The following SEL1L3 variants were observed in gnomAD, a reference collection of about 807,000 sequenced individuals.
SEL1L3 encodes protein sel-1 homolog 3.
A neutral mutation model predicts 142.8 loss-of-function variants in SEL1L3; 76 were observed. The ratio of observed to expected loss-of-function variants is 0.53; its 90% confidence interval spans 0.44 to 0.64. The LOEUF (loss-of-function observed/expected upper bound fraction) is 0.64, where lower values mean the gene tolerates loss of function less well. SEL1L3 is among the 30% of genes least tolerant of loss of function. SEL1L3 has a pLI of 0.00. For synonymous variants in SEL1L3, 504 were observed against 519.6 expected, an observed-to-expected ratio of 0.97 and a Z score of 0.41; for missense variants, 1,262 against 1,381.7, an observed-to-expected ratio of 0.91 and a Z score of 1.37.
At chr4:25,777,577 G>A (rs891445181) in intron 16 of SEL1L3, 2 of 297,652 alleles carry the variant, frequency 6.7e-6, no homozygotes, top group Non-Finnish European at 1.3e-5. Flanking sequence ...TACCAAAATT[G>A]ACCATATACC....
chr4:25,791,962 G>T (rs192829913), intron 11 of SEL1L3, among the ~76,000 whole-genome samples: 1 of 150,780 alleles, frequency 6.6e-6, no homozygotes, highest in African/African-American at 2.4e-5. Flanking sequence ...CTGCAGCCCC[G>T]TTCCTCAGAA....
At chr4:25,733,806 C>A in the SEL1L3 span, among the ~76,000 whole-genome samples, 32,984 of 152,018 alleles carry the variant, frequency 0.22, 3,704 homozygotes, top group African/African-American at 0.25. Flanking sequence ...TGAGCCACCG[C>A]GTCGGGCCAG....
chr4:25,863,413 C>G, upstream of SEL1L3: 1 of 698,790 alleles, frequency 1.4e-6, no homozygotes, highest in Non-Finnish European at 2.6e-6. Context: ...CTCGCTTCCG[C>G]ATTCTTCCTC....
In SEL1L3 at chr4:25,775,787, C is replaced by T. The variant is rs543335903; in HGVS notation, c.2669+490G>A. The stretch of plus-strand genomic sequence containing the variant: ...ATCTGTTTGTTTGTGCCATTGGATA[C>T]TGGACTTCCAACAATCCCAGGCTCC... On this transcript the variant is annotated intron_variant, in intron 17 of 23. Coordinates refer to ENST00000399878, the MANE Select transcript of SEL1L3 (RefSeq NM_015187.5). Among the ~76,000 whole-genome samples, 5 of 152,294 alleles carry T rather than the reference C, an allele frequency of 3.3e-5. No individual in the cohort carries two copies. The East Asian group carries it at 9.7e-4, about 29-fold the overall frequency.
chr4:25,802,368 G>T lies in SEL1L3; in HGVS notation c.1871C>A (p.Pro624His). 1 of 1,613,840 alleles carries T rather than the reference G, an allele frequency of 6.2e-7. No individual in the cohort carries two copies. The highest frequency in any genetic ancestry group is 8.5e-7 in the Non-Finnish European group (1 of 1,179,850). Residue 624 changes from proline to histidine, a missense_variant, in exon 11 of 24, where the codon CCC becomes CAC. Coordinates refer to ENST00000399878, the MANE Select transcript of SEL1L3 (RefSeq NM_015187.5). ...YKHYQGIDNYPLDWELSYAYY... is the reference protein window; with the variant it reads ...YKHYQGIDNYHLDWELSYAYY... ...GGCATACGACAGTTCCCAGTCCAGG[G>T]GGTAGTTGTCAATACCCTGGTAGTG...
At chr4:25,842,073 G>A (rs1716200101) in intron 2 of SEL1L3, among the ~76,000 whole-genome samples, 1 of 152,090 alleles carries the variant, frequency 6.6e-6, no homozygotes, top group South Asian at 2.1e-4. Flanking sequence ...GTTAAAGAGG[G>A]TGGCTTTGTC....
At chr4:25,727,955 G>A in the SEL1L3 span, among the ~76,000 whole-genome samples, 1 of 152,172 alleles carries the variant, frequency 6.6e-6, no homozygotes, top group Non-Finnish European at 1.5e-5. Flanking sequence ...TGGCTGAGCG[G>A]CTTGGCCACA....
intron 6 of SEL1L3, among the ~76,000 whole-genome samples, chr4:25,826,730 C>T (rs1715120127): frequency 6.6e-6 from 1 of 152,140 alleles, no homozygotes; most frequent in African/African-American, 2.4e-5. Context: ...CGCTCTGTCG[C>T]CCCGGCTGGA....
chr4:25,752,829 C>T (rs1717692824), intron 23 of SEL1L3, among the ~76,000 whole-genome samples: 1 of 152,228 alleles, frequency 6.6e-6, no homozygotes, highest in Non-Finnish European at 1.5e-5. Context: ...CCATGTTGGT[C>T]AGATTGGTCT....
At chr4:25,835,404 T>C in intron 2 of SEL1L3, 81 bp from the exon 3 acceptor site, 14 of 1,486,356 alleles carry the variant, frequency 9.4e-6, no homozygotes, top group South Asian at 8.5e-5. Flanking sequence ...TGAAAGCCTC[T>C]GCTGAGCTCC....
At chr4:25,807,653 G>C (rs1713682446) in intron 9 of SEL1L3, among the ~76,000 whole-genome samples, 1 of 152,004 alleles carries the variant, frequency 6.6e-6, no homozygotes, top group Admixed American at 6.6e-5. Flanking sequence ...AGTACCCGTG[G>C]ACCCGAGCTT....
At chr4:25,825,380 C>T (rs540097809) in intron 6 of SEL1L3, among the ~76,000 whole-genome samples, 26 of 152,170 alleles carry the variant, frequency 1.7e-4, no homozygotes, top group Non-Finnish European at 3.4e-4. Context: ...CTGAGCTAGA[C>T]TCTTCCAAAG....
At chr4:25,835,091 T>G in intron 3 of SEL1L3, 106 bp downstream of exon 3, 1 of 1,414,990 alleles carries the variant, frequency 7.1e-7, no homozygotes, top group Non-Finnish European at 9.6e-7. Context: ...GCAAAACACC[T>G]TACCAAGAAG....
the SEL1L3 span, chr4:25,719,436 T>C: frequency 1.3e-5 from 2 of 152,126 alleles, no homozygotes; most frequent in African/African-American, 2.4e-5. Context: ...ATTTAAAAAG[T>C]CTGTAGGGAA....
rs184949375 is a variant in SEL1L3 at position 25,771,755 on chromosome 4, C to T, written c.2670-3925G>A. Among the ~76,000 whole-genome samples the T allele has an allele frequency of 1.6e-3, 238 of 152,278 alleles. 1 individual carries two copies. Among genetic ancestry groups the T allele is most frequent in the African/African-American group, 5.4e-3 (225 of 41,548 alleles). On this transcript the variant is annotated intron_variant, in intron 17 of 23. Coordinates refer to ENST00000399878, the MANE Select transcript of SEL1L3 (RefSeq NM_015187.5). ...AAAGGACAATAAAACATGTAGCTTG[C>T]AGATAAAATAGATAAAACACATGTA...
chr4:25,852,044 AC>A (rs555651724), intron 1 of SEL1L3, among the ~76,000 whole-genome samples: 8 of 151,108 alleles, frequency 5.3e-5, no homozygotes, highest in Non-Finnish European at 7.4e-5. Context: ...TGTCCATGCC[AC>A]CCCCCCCAGG....
chr4:25,844,233 C>T (rs1326616078), intron 2 of SEL1L3, among the ~76,000 whole-genome samples: 2 of 152,208 alleles, frequency 1.3e-5, no homozygotes. Flanking sequence ...CCTTCTATCC[C>T]CACAGCCCAG....
chr4:25,767,715 C>G (rs920485996), intron 18 of SEL1L3, 25 bp downstream of exon 18: 2 of 1,523,666 alleles, frequency 1.3e-6, no homozygotes, highest in Middle Eastern at 1.7e-4. Flanking sequence ...AGAGCTTCTA[C>G]TCTGAGAAGA....
At chr4:25,764,047 G>C (rs536519688) in intron 20 of SEL1L3, among the ~76,000 whole-genome samples, 1 of 152,322 alleles carries the variant, frequency 6.6e-6, no homozygotes, top group South Asian at 2.1e-4. Context: ...GAAGGAATAA[G>C]GGAAATTGAG....
Sources: gnomAD v4.1 joint callset for allele counts (sites outside exome capture counted in the v4.1 genomes callset) on GRCh38, gnomAD v4.1.1 for gene constraint, MANE v1.5 for transcripts, NCBI Gene and HGNC (gene_info 2026-07-23, HGNC 2026-07-21) for gene names.